Variants in MCTP1 observed in about 807,000 individuals in gnomAD.
The protein encoded by MCTP1 is multiple C2 and transmembrane domain-containing protein 1.
A neutral mutation model predicts 120.6 loss-of-function variants in MCTP1; 69 were observed. The ratio of observed to expected loss-of-function variants is 0.57; its 90% CI spans 0.47 to 0.70. The LOEUF (loss-of-function observed/expected upper bound fraction) is 0.70, where lower values mean the gene tolerates loss of function less well. MCTP1 is among the 30% of genes least tolerant of loss of function. The probability of loss-of-function intolerance (pLI) is 0.00; values close to 1 mark genes in which losing one functional copy is unlikely to be tolerated. For missense variants in MCTP1, 1,203 were observed against 1,248.8 expected (o/e 0.96, Z 0.55); for synonymous variants, 529 against 493.1 (o/e 1.07, Z -0.96).
chr5:94,818,051 T>C (rs761858001), intron 17 of MCTP1, among the ~76,000 whole-genome samples: 6 of 152,170 alleles, frequency 3.9e-5, no homozygotes, highest in Non-Finnish European at 7.3e-5. Context: ...TGTGGGTCTT[T>C]GGGATTACAG....
intron 2 of MCTP1, among the ~76,000 whole-genome samples, chr5:94,999,825 T>C (rs1375955905): frequency 1.3e-5 from 2 of 152,196 alleles, no homozygotes; most frequent in Non-Finnish European, 2.9e-5. Context: ...TATCACCTCC[T>C]GGTAAATTTG....
chr5:95,060,476 A>G (rs975744783), intron 1 of MCTP1, among the ~76,000 whole-genome samples: 5 of 152,182 alleles, frequency 3.3e-5, no homozygotes, highest in Non-Finnish European at 7.3e-5. Flanking sequence ...GCAGAGCATA[A>G]TTTACTTCTA....
chr5:95,193,589 T>C (rs1750056528), intron 1 of MCTP1, among the ~76,000 whole-genome samples: 1 of 152,172 alleles, frequency 6.6e-6, no homozygotes, highest in Non-Finnish European at 1.5e-5. Context: ...AAAGCTTTTA[T>C]TAGGCAACAT....
chr5:95,044,097 C>A (rs2151928394), intron 1 of MCTP1, among the ~76,000 whole-genome samples: 1 of 152,238 alleles, frequency 6.6e-6, no homozygotes, highest in Middle Eastern at 3.4e-3. Context: ...TGGTTCTGGG[C>A]CCTACAGGGA....
intron 2 of MCTP1, among the ~76,000 whole-genome samples, chr5:94,970,130 A>G (rs1280599402): frequency 6.6e-6 from 1 of 152,032 alleles, no homozygotes; most frequent in African/African-American, 2.4e-5. Context: ...GGTAAAGTGT[A>G]GCATAGGATG....
chr5:94,953,850 T>TACATATGCATATATATACAA (rs1821347205), intron 2 of MCTP1, among the ~76,000 whole-genome samples: 1 of 44,884 alleles, frequency 2.2e-5, no homozygotes, highest in South Asian at 6.1e-4. Flanking sequence ...TATACACAAC[T>TACATATGCATATATATACAA]ATATATATGC....
intron 1 of MCTP1, among the ~76,000 whole-genome samples, chr5:95,121,608 A>G (rs1223678486): frequency 4.6e-5 from 7 of 152,080 alleles, no homozygotes; most frequent in Non-Finnish European, 1.0e-4. Flanking sequence ...AATCCTTATC[A>G]AAATATCAAC....
chr5:94,944,620 C>G (rs1032654763), intron 3 of MCTP1, among the ~76,000 whole-genome samples: 4 of 152,196 alleles, frequency 2.6e-5, no homozygotes, highest in African/African-American at 9.6e-5. Flanking sequence ...GACAGCCCAA[C>G]TGGGCGATTC....
chr5:94,953,362 C>G lies in MCTP1; in HGVS notation c.839-1G>C. The G allele has an allele frequency of 6.3e-7, 1 of 1,595,218 alleles. No individual in the cohort carries two copies. Among genetic ancestry groups the G allele is most frequent in the Non-Finnish European group, 8.5e-7 (1 of 1,170,152 alleles). On this transcript the variant is annotated splice_acceptor_variant, in intron 2 of 22. Transcript: ENST00000515393. LOFTEE classifies it high-confidence loss of function. Reference sequence around the variant, plus strand: ...AACTTCACATATGGATCACTCGTCCCTGTTAAATAGATAGATTGATCCATG... The same window carrying G: ...AACTTCACATATGGATCACTCGTCCGTGTTAAATAGATAGATTGATCCATG...
At chr5:95,162,117 C>T (rs1745808021) in intron 1 of MCTP1, among the ~76,000 whole-genome samples, 1 of 152,148 alleles carries the variant, frequency 6.6e-6, no homozygotes, top group Non-Finnish European at 1.5e-5. Context: ...CCAGGAAGAA[C>T]TTGTGCACTG....
chr5:94,922,997 C>CAA (rs202245253), intron 7 of MCTP1, among the ~76,000 whole-genome samples: 48 of 99,526 alleles, frequency 4.8e-4, no homozygotes, highest in Non-Finnish European at 7.0e-4. Flanking sequence ...TAAAAAGCTG[C>CAA]AAAAAAAAAA....
chr5:94,744,286 T>C (rs1561560685), intron 19 of MCTP1, among the ~76,000 whole-genome samples: 1 of 152,238 alleles, frequency 6.6e-6, no homozygotes, highest in Non-Finnish European at 1.5e-5. Flanking sequence ...TCCTGATTTT[T>C]GAAGACTGTT....
intron 1 of MCTP1, among the ~76,000 whole-genome samples, chr5:95,144,440 T>C (rs1485014223): frequency 1.3e-5 from 2 of 152,208 alleles, no homozygotes; most frequent in Non-Finnish European, 2.9e-5. Flanking sequence ...TTTGTTTTTG[T>C]TGCAGTTGCT....
At chr5:94,942,742 C>T (rs1818039680) in intron 3 of MCTP1, among the ~76,000 whole-genome samples, 1 of 151,976 alleles carries the variant, frequency 6.6e-6, no homozygotes, top group Non-Finnish European at 1.5e-5. Flanking sequence ...ACAAGTATGT[C>T]TTTCATATTG....
At chr5:95,171,886 G>A (rs898621963) in intron 1 of MCTP1, among the ~76,000 whole-genome samples, 12 of 151,724 alleles carry the variant, frequency 7.9e-5, no homozygotes, top group African/African-American at 1.9e-4. Context: ...GAGTTTAATC[G>A]TCTGAAGCCT....
intron 6 of MCTP1, among the ~76,000 whole-genome samples, chr5:94,926,267 G>A (rs1813094475): frequency 6.6e-6 from 1 of 152,102 alleles, no homozygotes; most frequent in Non-Finnish European, 1.5e-5. Flanking sequence ...TTGAAATTGT[G>A]AAGCCTGATA....
intron 1 of MCTP1, among the ~76,000 whole-genome samples, chr5:95,153,425 A>C (rs1744760017): frequency 1.3e-5 from 2 of 152,334 alleles, no homozygotes; most frequent in South Asian, 4.1e-4. Context: ...AATTATATAC[A>C]TACAAGTTCA....
chr5:94,774,614 C>A (rs1774891420), intron 19 of MCTP1, among the ~76,000 whole-genome samples: 1 of 152,102 alleles, frequency 6.6e-6, no homozygotes, highest in Non-Finnish European at 1.5e-5. Flanking sequence ...ATGTGACACC[C>A]TGAGCAGAGA....
At chr5:94,882,330 A>T (rs1800282844) in intron 12 of MCTP1, among the ~76,000 whole-genome samples, 1 of 152,138 alleles carries the variant, frequency 6.6e-6, no homozygotes, top group Non-Finnish European at 1.5e-5. Flanking sequence ...CAGTGACATC[A>T]ATCCTTTAAT....
Sources: gnomAD v4.1 joint callset for allele counts (sites outside exome capture counted in the v4.1 genomes callset) on GRCh38, gnomAD v4.1.1 for gene constraint, MANE v1.5 for transcripts, NCBI Gene and HGNC (gene_info 2026-07-23, HGNC 2026-07-21) for gene names.